USH2A: variants seen among roughly 807,000 people sequenced by gnomAD.
USH2A encodes the protein Usher syndrome 2A (autosomal recessive, mild).
Under a neutral mutation model 538.9 loss-of-function variants are expected in USH2A, and 443 were observed. The observed-to-expected ratio is 0.82, with a 90% confidence interval of 0.76 to 0.89. The LOEUF (loss-of-function observed/expected upper bound fraction) is 0.89. USH2A is among the 40% of genes least tolerant of loss of function. USH2A has a pLI of 0.00. For missense variants in USH2A, 6,633 were observed against 6,324.8 expected, an observed-to-expected ratio of 1.05 and a Z score of -1.65; for synonymous variants, 2,413 against 2,273.5, an observed-to-expected ratio of 1.06 and a Z score of -1.75.
At chr1:216,182,299 T>C (rs771018290) in intron 20 of USH2A, among the ~76,000 whole-genome samples, 4 of 152,122 alleles carry the variant, frequency 2.6e-5, no homozygotes, top group Non-Finnish European at 5.9e-5. Flanking sequence ...TCTGATTCAG[T>C]CAATTTTTAC....
At chr1:215,702,902 G>T (rs1205090044) in intron 61 of USH2A, among the ~76,000 whole-genome samples, 3 of 151,796 alleles carry the variant, frequency 2.0e-5, no homozygotes, top group Non-Finnish European at 4.4e-5. Flanking sequence ...TCCAGTTTTT[G>T]GAATTTTCAG....
At chr1:216,001,578 C>T (rs142535956) in intron 32 of USH2A, among the ~76,000 whole-genome samples, 25 of 152,266 alleles carry the variant, frequency 1.6e-4, no homozygotes, top group Non-Finnish European at 2.9e-4. Flanking sequence ...ATCATTAATA[C>T]TTTAACACTA....
At chr1:215,888,285 A>G in intron 41 of USH2A, 141 bp downstream of exon 41, 1 of 1,308,620 alleles carries the variant, frequency 7.6e-7, no homozygotes, top group South Asian at 1.3e-5. Context: ...GTTTGGGCCA[A>G]AGGCCAAAAC....
In USH2A at chr1:216,325,331, C is replaced by T. The variant is rs1353101816; in HGVS notation, c.1117G>A (p.Val373Ile). The T allele has an allele frequency of 6.2e-7, 1 of 1,613,804 alleles. No individual in the cohort carries two copies. The highest frequency in any genetic ancestry group is 1.1e-5 in the South Asian group (1 of 91,064). Residue 373 changes from valine (V) to isoleucine (I), a missense_variant, in exon 6 of 72, where the codon GTT becomes ATT. Transcript: ENST00000307340. ...TGATACTGTCCATTTTCCAAATCAA[C>T]TGAAATAGTCACTCCTTGATTAAGC... ...TQLNQGVTIS[V>I]DLENGQYQVF...
At chr1:215,706,314 A>G (rs981160796) in intron 61 of USH2A, among the ~76,000 whole-genome samples, 3 of 152,186 alleles carry the variant, frequency 2.0e-5, no homozygotes, top group Non-Finnish European at 4.4e-5. Flanking sequence ...CAGGGAACTA[A>G]GAAAGGCTTT....
intron 22 of USH2A, among the ~76,000 whole-genome samples, chr1:216,090,837 C>G (rs535181617): frequency 2.6e-5 from 4 of 152,042 alleles, no homozygotes; most frequent in Non-Finnish European, 5.9e-5. Context: ...CTTAGCATAC[C>G]CTTGCTAATG....
intron 11 of USH2A, among the ~76,000 whole-genome samples, chr1:216,274,893 C>T (rs1203936388): frequency 2.6e-5 from 4 of 152,038 alleles, no homozygotes; most frequent in Admixed American, 6.6e-5. Flanking sequence ...AACTTCCCCA[C>T]GATAATCTCT....
intron 23 of USH2A, 104 bp downstream of exon 23, chr1:216,088,909 G>T: frequency 6.5e-7 from 1 of 1,539,148 alleles, no homozygotes. Context: ...ATGGAATTGA[G>T]TAGAAATTAT....
intron 13 of USH2A, 58 bp from the exon 14 acceptor site, chr1:216,232,194 A>G: frequency 4.6e-6 from 7 of 1,535,988 alleles, no homozygotes; most frequent in Non-Finnish European, 2.6e-6. Context: ...TTTTATTTAA[A>G]GCATAATAAT....
At chr1:216,021,183 C>T (rs1668836559) in intron 32 of USH2A, among the ~76,000 whole-genome samples, 1 of 152,196 alleles carries the variant, frequency 6.6e-6, no homozygotes, top group South Asian at 2.1e-4. Flanking sequence ...GGAACAAAAA[C>T]CTCTCATCTG....
At chr1:216,080,697 A>C (rs2031913866) in intron 26 of USH2A, among the ~76,000 whole-genome samples, 1 of 151,624 alleles carries the variant, frequency 6.6e-6, no homozygotes, top group South Asian at 2.1e-4. Flanking sequence ...GAGAGGGAAC[A>C]GTTGAACATA....
chr1:215,647,845 C>T (rs547762372), intron 66 of USH2A, 115 bp from the exon 67 acceptor site: 13 of 1,242,172 alleles, frequency 1.0e-5, no homozygotes, highest in Non-Finnish European at 1.4e-5. Flanking sequence ...GAGCTACAGG[C>T]TCTTTAAAAT....
At chr1:215,625,937 G>C in intron 71 of USH2A, 67 bp from the exon 72 acceptor site, 3 of 1,444,000 alleles carry the variant, frequency 2.1e-6, no homozygotes, top group Admixed American at 3.4e-5. Context: ...TCAATTTATA[G>C]TTATATCAAT....
chr1:215,629,773 C>CTTTTTTTTT (rs34349385), intron 70 of USH2A, among the ~76,000 whole-genome samples: 6 of 125,046 alleles, frequency 4.8e-5, no homozygotes, highest in Non-Finnish European at 6.7e-5. Flanking sequence ...CTTTTCTTTT[C>CTTTTTTTTT]TTTTTTTTTT....
At chr1:216,107,296 T>C (rs937408504) in intron 21 of USH2A, among the ~76,000 whole-genome samples, 3 of 151,834 alleles carry the variant, frequency 2.0e-5, no homozygotes, top group African/African-American at 2.4e-5. Flanking sequence ...TTCTGCTTTA[T>C]GTATTTTGAA....
At chr1:216,232,620 T>G (rs1046127454) in intron 13 of USH2A, among the ~76,000 whole-genome samples, 23 of 152,342 alleles carry the variant, frequency 1.5e-4, no homozygotes, top group Middle Eastern at 3.4e-3. Context: ...CAAATTAAAC[T>G]AATTCTGTAT....
rs1323865905 is a variant in USH2A at position 216,386,483 on chromosome 1, TCAAAAAAA to T, written c.652-21406_652-21399del. On this transcript the variant is annotated intron_variant, in intron 3 of 71. Transcript: ENST00000307340. ...CCTGGGCGACAGAGCGAGACTCGTC[TCAAAAAAA>T]CAAACAAACAAACAAACAAACAAAC... Among the ~76,000 whole-genome samples, 1,029 of 93,722 alleles carry T rather than the reference TCAAAAAAA, an allele frequency of 0.011. 25 individuals carry two copies. The South Asian group carries it at 0.13, about 12-fold the overall frequency. The allele number at this position is 93,722 out of a possible 152,430, so 61.5% of individuals were successfully genotyped here.
At chr1:215,836,130 G>C (rs1035819118) in intron 47 of USH2A, among the ~76,000 whole-genome samples, 1 of 151,566 alleles carries the variant, frequency 6.6e-6, no homozygotes, top group Admixed American at 6.6e-5. Context: ...ATTCTGTTAC[G>C]TCATTCACAT....
At chr1:216,378,861 T>C (rs1308261171) in intron 3 of USH2A, among the ~76,000 whole-genome samples, 1 of 152,074 alleles carries the variant, frequency 6.6e-6, no homozygotes, top group Admixed American at 6.6e-5. Flanking sequence ...ATTTTTATAA[T>C]TTTTTTTCTC....
Sources: allele counts gnomAD v4.1 joint callset (sites outside exome capture counted in the v4.1 genomes callset), GRCh38; gene constraint gnomAD v4.1.1; transcripts MANE v1.5; gene names NCBI Gene and HGNC (gene_info 2026-07-23, HGNC 2026-07-21).